TMEM231: variants seen among roughly 807,000 people sequenced by gnomAD.
The protein encoded by TMEM231 is transmembrane protein 231.
A neutral mutation model predicts 38.5 loss-of-function variants in TMEM231; 40 were observed. The observed-to-expected ratio is 1.04, with a 90% CI of 0.81 to 1.35. The LOEUF (loss-of-function observed/expected upper bound fraction) is 1.35. Among genes scored for constraint, TMEM231 ranks in the 40% most tolerant of loss-of-function variants. The pLI is 0.00. For synonymous variants in TMEM231, 199 were observed against 181.7 expected, an observed-to-expected ratio of 1.10 and a Z score of -0.77; for missense variants, 420 against 416.9, an observed-to-expected ratio of 1.01 and a Z score of -0.07.
In TMEM231 at chr16:75,539,834, C is replaced by A. The variant is rs756284419; in HGVS notation, c.*160G>T. ...CAATTCTGCAGGAGCTCTGAAGATA[C>A]GGAACTGTGTAGAGCAAAACCGGAA... On this transcript the variant is annotated 3_prime_UTR_variant, in exon 7 of 7. Coordinates refer to ENST00000258173, the MANE Select transcript of TMEM231 (RefSeq NM_001077418.3). 1.8e-6 allele frequency: 1 copy of A among 541,496 alleles called. No individual in the cohort carries two copies. The highest frequency in any genetic ancestry group is 3.1e-6 in the Non-Finnish European group (1 of 318,202). The allele number at this position is 541,496 out of a possible 1,614,324, so 33.5% of individuals were successfully genotyped here.
intron 2 of TMEM231, among the ~76,000 whole-genome samples, chr16:75,549,512 G>A (rs541546591): frequency 2.6e-5 from 4 of 152,276 alleles, no homozygotes; most frequent in South Asian, 4.1e-4. Flanking sequence ...TGAGGGTGAG[G>A]TTATGAAACC....
chr16:75,548,008 G>A (rs771160410), intron 2 of TMEM231, among the ~76,000 whole-genome samples: 1 of 152,108 alleles, frequency 6.6e-6, no homozygotes, highest in South Asian at 2.1e-4. Flanking sequence ...GTGGGAGGGG[G>A]AAAAGCTCAT....
intron 2 of TMEM231, among the ~76,000 whole-genome samples, chr16:75,546,734 C>G (rs559853242): frequency 2.2e-4 from 33 of 152,306 alleles, no homozygotes; most frequent in African/African-American, 5.8e-4. Flanking sequence ...TGAGCCACCG[C>G]ACCCGGCCTT....
intron 4 of TMEM231, among the ~76,000 whole-genome samples, chr16:75,544,728 G>A (rs755962986): frequency 7.9e-5 from 12 of 152,182 alleles, no homozygotes; most frequent in Non-Finnish European, 1.8e-4. Flanking sequence ...GACCAAGCGT[G>A]TGTATGGAAG....
intron 5 of TMEM231, 84 bp downstream of exon 5, chr16:75,542,518 G>T: frequency 9.0e-7 from 1 of 1,112,994 alleles, no homozygotes; most frequent in South Asian, 1.2e-5. Context: ...TCATCACAAG[G>T]GTTCCAGTTC....
At chr16:75,549,758 G>A (rs998721661) in intron 2 of TMEM231, among the ~76,000 whole-genome samples, 1 of 152,070 alleles carries the variant, frequency 6.6e-6, no homozygotes, top group Admixed American at 6.5e-5. Context: ...GCCCAGGCTG[G>A]AGTGCAGTGG....
At position 75,545,930 on chromosome 16, in the gene TMEM231, C is replaced by T; in HGVS notation, c.334G>A (p.Asp112Asn). ...AAATGTAACATGTCCGTCTTCCCAT[C>T]CTGGTTCCTGTCTTCTTCTCTAGTC... ...VSTREEDRNQ[D>N]GKTDMLHFKL... Residue 112 changes from aspartate to asparagine, a missense_variant, in exon 3 of 7, where the codon GAT becomes AAT. By Grantham distance (23) the Asp-to-Asn change is conservative. Transcript: ENST00000258173. The T allele has an allele frequency of 1.3e-6, 2 of 1,528,214 alleles. No homozygotes were observed. Among genetic ancestry groups the T allele is most frequent in the Non-Finnish European group, 1.8e-6 (2 of 1,135,094 alleles). 94.7% of individuals were successfully genotyped at this position (1,528,214 alleles called of 1,614,324 possible).
chr16:75,542,638 G>A lies in TMEM231; in HGVS notation c.628C>T (p.Leu210Phe), dbSNP rs1391991182. The A allele has an allele frequency of 2.5e-6, 4 of 1,613,768 alleles. No individual in the cohort carries two copies. The highest frequency in any genetic ancestry group is 3.4e-6 in the Non-Finnish European group (4 of 1,179,882). The change falls in exon 5 of 7, where the codon CTC (leucine) becomes TTC (phenylalanine). Residue 210 changes from leucine (L) to phenylalanine (F), a missense_variant. Transcript: ENST00000258173. Reference protein sequence around the residue: ...GTSPFAYDYDLTHIVAAYQER... With the variant: ...GTSPFAYDYDFTHIVAAYQER... ...TGGTAGGCAGCAACAATATGGGTGA[G>A]GTCGTAGTCATAGGCAAAGGGGCTG... is the stretch of plus-strand genomic sequence containing the variant.
intron 6 of TMEM231, among the ~76,000 whole-genome samples, chr16:75,540,669 T>A (rs571921501): frequency 6.6e-6 from 1 of 152,372 alleles, no homozygotes; most frequent in South Asian, 2.1e-4. Context: ...AAGTCAAAAT[T>A]AAACCAAAGT....
rs139236786 is a variant in TMEM231 at position 75,541,405 on chromosome 16, C to T, written c.715G>A (p.Ala239Thr). 3.4e-5 allele frequency: 55 copies of T among 1,611,686 alleles called. No individual in the cohort carries two copies. Among genetic ancestry groups the T allele is most frequent in the South Asian group, 4.4e-5 (4 of 90,738 alleles). Reference protein sequence around the residue: ...PNPIWLVGRAADAPFVINAII... With the variant: ...PNPIWLVGRATDAPFVINAII... ...GCATTAATCACAAATGGAGCATCTGCGGCCCTGCCCACCAGCCAGATGGGG... is the reference window on the plus strand; with the variant it reads ...GCATTAATCACAAATGGAGCATCTGTGGCCCTGCCCACCAGCCAGATGGGG... The change falls in exon 6 of 7, where the codon GCA becomes ACA. Residue 239 changes from alanine to threonine, a missense_variant. By Grantham distance (58) the Ala-to-Thr change is moderately conservative. Transcript: ENST00000258173.
chr16:75,542,943 G>A (rs1025478175), intron 4 of TMEM231, among the ~76,000 whole-genome samples: 7 of 152,144 alleles, frequency 4.6e-5, no homozygotes, highest in Non-Finnish European at 7.4e-5. Flanking sequence ...AAACTCTCTT[G>A]CAACAATTTA....
chr16:75,549,689 C>T (rs1426711445), intron 2 of TMEM231, among the ~76,000 whole-genome samples: 2 of 152,030 alleles, frequency 1.3e-5, no homozygotes, highest in African/African-American at 4.8e-5. Flanking sequence ...CACGCATGTA[C>T]TGAGCAGAGT....
chr16:75,548,554 A>G (rs1177793674), intron 2 of TMEM231, among the ~76,000 whole-genome samples: 1 of 152,186 alleles, frequency 6.6e-6, no homozygotes, highest in Non-Finnish European at 1.5e-5. Context: ...GGCTAAAATT[A>G]GAGAATAATG....
intron 2 of TMEM231, among the ~76,000 whole-genome samples, chr16:75,553,658 G>A (rs1347242153): frequency 2.0e-5 from 3 of 151,122 alleles, no homozygotes; most frequent in Admixed American, 6.6e-5. Flanking sequence ...GAAAAGCTAG[G>A]GCAAATTGTA....
At position 75,555,869 on chromosome 16, in the gene TMEM231, C is replaced by T. The variant is rs541195377; in HGVS notation, c.244G>A (p.Ala82Thr). The change falls in exon 2 of 7, where the codon GCC (alanine) becomes ACC (threonine). Residue 82 changes from alanine to threonine, a missense_variant. Coordinates refer to ENST00000258173, the MANE Select transcript of TMEM231 (RefSeq NM_001077418.3). ...TTGAAGGCGGGGAACGTGCTCCAGG[C>T]GAGGAACCCGTCGCTTTCGGGTCCG... is the stretch of plus-strand genomic sequence containing the variant. ...LLGPESDGFL[A>T]WSTFPAFNRL... 2 of 1,590,026 alleles carry T rather than the reference C, an allele frequency of 1.3e-6. No homozygotes were observed. The highest frequency in any genetic ancestry group is 1.1e-5 in the South Asian group (1 of 87,226).
intron 2 of TMEM231, among the ~76,000 whole-genome samples, chr16:75,549,670 T>C (rs764481918): frequency 6.6e-6 from 1 of 152,142 alleles, no homozygotes; most frequent in African/African-American, 2.4e-5. Flanking sequence ...GAGATACACA[T>C]GAAATCCACA....
At chr16:75,550,403 C>T (rs571993444) in intron 2 of TMEM231, among the ~76,000 whole-genome samples, 14 of 152,314 alleles carry the variant, frequency 9.2e-5, no homozygotes, top group African/African-American at 2.9e-4. Context: ...TTTCTGCACT[C>T]CCAGAACAAG....
In TMEM231 at chr16:75,542,609, C is replaced by T. The variant is rs1047746928; in HGVS notation, c.657G>A (p.Glu219=). 1.9e-6 allele frequency: 3 copies of T among 1,613,816 alleles called. No individual in the cohort carries two copies. Among genetic ancestry groups the T allele is most frequent in the East Asian group, 2.2e-5 (1 of 44,870 alleles). The part of the protein sequence containing the change: ...DLTHIVAAYQ[E]RNVTTVLNDP... ...GCTCTACCTGTGACTCACCGTTCCT[C>T]TCCTGGTAGGCAGCAACAATATGGG... The change falls in exon 5 of 7, where the codon GAG becomes GAA. Residue 219 remains glutamate, a synonymous_variant. Coordinates refer to ENST00000258173, the MANE Select transcript of TMEM231 (RefSeq NM_001077418.3).
At chr16:75,551,459 T>C (rs1244791156) in intron 2 of TMEM231, among the ~76,000 whole-genome samples, 2 of 152,170 alleles carry the variant, frequency 1.3e-5, no homozygotes, top group African/African-American at 2.4e-5. Flanking sequence ...GCTGAGATTA[T>C]AGGCATGAGC....
Sources: allele counts gnomAD v4.1 joint callset (sites outside exome capture counted in the v4.1 genomes callset), GRCh38; gene constraint gnomAD v4.1.1; transcripts MANE v1.5; gene names NCBI Gene and HGNC (gene_info 2026-07-23, HGNC 2026-07-21).